The following ABCG8 variants were observed in gnomAD, a reference collection of about 807,000 sequenced individuals.
ABCG8 encodes ATP binding cassette subfamily G member 8.
Under a neutral mutation model 71.3 loss-of-function variants are expected in ABCG8, and 81 were observed. The observed-to-expected ratio is 1.14, with a 90% confidence interval of 0.95 to 1.37. ABCG8 has a LOEUF of 1.37. Ranked by LOEUF, ABCG8 falls within the 40% of genes most tolerant of loss-of-function variation. The pLI, the probability that ABCG8 is intolerant of heterozygous loss-of-function variation, is 0.00. For synonymous variants in ABCG8, 451 were observed against 354.7 expected (o/e 1.27, Z -3.05); for missense variants, 1,119 against 866.2 (o/e 1.29, Z -3.66).
At position 43,874,448 on chromosome 2, in the gene ABCG8, G is replaced by C; in HGVS notation, c.1453G>C (p.Gly485Arg). ...RAMLYYELED[G>R]LYTTGPYFFA... is the part of the protein sequence containing the mutation. ...AATGCTTTACTATGAACTGGAAGAC[G>C]GGCTGTACACCACTGGTCCATATTT... Residue 485 changes from glycine to arginine, a missense_variant, in exon 10 of 13, where the codon GGG becomes CGG. By Grantham distance (125) the Gly-to-Arg change is moderately radical. Transcript: ENST00000272286. The C allele has an allele frequency of 6.2e-7, 1 of 1,613,866 alleles. No homozygotes were observed.
rs201782758 is a variant in ABCG8 at position 43,852,527 on chromosome 2, C to T, written c.694+41C>T. On this transcript the variant is annotated intron_variant, in intron 5 of 12. Transcript: ENST00000272286. ...GCAGATGGGGGCAGAGGGACCTGTG[C>T]GGTCCCCTCAGGCTTGGCTTGGTCT... The T allele has an allele frequency of 7.8e-4, 1,252 of 1,612,770 alleles. 2 individuals carry two copies. Among genetic ancestry groups the T allele is most frequent in the Admixed American group, 1.1e-3 (67 of 60,018 alleles).
rs199903255 is a variant in ABCG8, at chr2:43,877,933, C to T, written c.*20C>T. Reference sequence around the variant, plus strand: ...TGGTGATTCACGCCAGACGTCTGCCCGCTGGTGGGGGACCTGAGCAGACCC... The same window carrying T: ...TGGTGATTCACGCCAGACGTCTGCCTGCTGGTGGGGGACCTGAGCAGACCC... On this transcript the variant is annotated 3_prime_UTR_variant, in exon 13 of 13. Transcript: ENST00000272286. The T allele has an allele frequency of 6.8e-6, 11 of 1,613,958 alleles. No individual in the cohort carries two copies. Among genetic ancestry groups the T allele is most frequent in the Middle Eastern group, 1.6e-4 (1 of 6,068 alleles).
Position 43,873,868 on chromosome 2 carries a change from C to T in ABCG8, c.1293C>T (p.Ile431=), listed in dbSNP as rs202176869. 3.3e-5 allele frequency: 54 copies of T among 1,614,024 alleles called. No homozygotes were observed. Among genetic ancestry groups the T allele is most frequent in the Admixed American group, 1.0e-4 (6 of 59,994 alleles). ...GAEACLMSMT[I]GFLYFGHGSI... is the part of the protein sequence containing the mutation. ...AGGCCTGTCTGATGTCAATGACCAT[C>T]GGCTTCCTCTATTTTGGCCATGGGA... Residue 431 remains isoleucine (I), a synonymous_variant, in exon 9 of 13, where the codon ATC becomes ATT. Transcript: ENST00000272286.
intron 6 of ABCG8, among the ~76,000 whole-genome samples, chr2:43,860,007 C>G (rs186880028): frequency 7.4e-4 from 112 of 151,400 alleles, no homozygotes; most frequent in African/African-American, 2.7e-3. Flanking sequence ...CTGGACAGAA[C>G]TCTGAGTATC....
At chr2:43,874,898 A>G (rs1669907322) in intron 10 of ABCG8, among the ~76,000 whole-genome samples, 1 of 152,036 alleles carries the variant, frequency 6.6e-6, no homozygotes, top group Admixed American at 6.5e-5. Context: ...ACCAGGTCTT[A>G]GGACAGCAGG....
intron 6 of ABCG8, among the ~76,000 whole-genome samples, chr2:43,856,405 T>C (rs72796766): frequency 0.054 from 8,172 of 151,888 alleles, 270 homozygotes; most frequent in Middle Eastern, 0.11. Context: ...ACTCTCACTC[T>C]CTAGATAGAA....
At chr2:43,873,282 A>C (rs1669843982) in intron 8 of ABCG8, among the ~76,000 whole-genome samples, 1 of 150,836 alleles carries the variant, frequency 6.6e-6, no homozygotes, top group Admixed American at 6.6e-5. Flanking sequence ...TCCGCCTCCC[A>C]GGTTCAAGTG....
chr2:43,875,543 G>C, intron 11 of ABCG8, 130 bp downstream of exon 11: 4 of 1,231,996 alleles, frequency 3.2e-6, no homozygotes, highest in Non-Finnish European at 4.4e-6. Context: ...GGAAGCAGAG[G>C]CCTTTGCCCA....
rs748233241 is a variant in ABCG8 at position 43,874,438 on chromosome 2, AC to A, written c.1444del (p.Leu482TrpfsTer40). The A allele has an allele frequency of 2.5e-5, 40 of 1,613,878 alleles. No individual in the cohort carries two copies. Among genetic ancestry groups the A allele is most frequent in the Middle Eastern group, 1.6e-4 (1 of 6,084 alleles). On this transcript the variant is annotated frameshift_variant, in exon 10 of 13. Coordinates refer to ENST00000272286, the MANE Select transcript of ABCG8 (RefSeq NM_022437.3). LOFTEE classifies it high-confidence loss of function. ...YSERAMLYYE[L>X]EDGLYTTGPY... ...CAGAGAGGGCAATGCTTTACTATGA[AC>A]TGGAAGACGGGCTGTACACCACTGG...
rs2104954824 is a variant in ABCG8 at position 43,879,949 on chromosome 2, A to G, written c.*2036A>G. On this transcript the variant is annotated 3_prime_UTR_variant, in exon 13 of 13. Transcript: ENST00000272286. ...GTAAGTGGGTACTTTGAAACTATGTAAATTGTAAACTTTCCATTTATGCAT... is the reference window on the plus strand; with the variant it reads ...GTAAGTGGGTACTTTGAAACTATGTGAATTGTAAACTTTCCATTTATGCAT... 6.6e-6 allele frequency: 1 copy of G among 152,278 alleles called. No homozygotes were observed. Among genetic ancestry groups the G allele is most frequent in the South Asian group, 2.1e-4 (1 of 4,822 alleles). 9.4% of individuals were successfully genotyped at this position (152,278 alleles called of 1,614,324 possible).
intron 6 of ABCG8, among the ~76,000 whole-genome samples, chr2:43,856,758 A>G (rs1201320476): frequency 2.0e-5 from 3 of 151,738 alleles, no homozygotes; most frequent in Admixed American, 2.0e-4. Flanking sequence ...CACTATCTGG[A>G]TAGAATTCTC....
chr2:43,868,325 A>G (rs1669608519), intron 6 of ABCG8, among the ~76,000 whole-genome samples: 2 of 151,474 alleles, frequency 1.3e-5, no homozygotes, highest in Admixed American at 6.6e-5. Context: ...AACTCTCACT[A>G]TCTGTCTGGT....
chr2:43,874,360 G>T, intron 9 of ABCG8, 47 bp from the exon 10 acceptor site: 1 of 1,413,540 alleles, frequency 7.1e-7, no homozygotes, highest in South Asian at 1.2e-5. Flanking sequence ...AAGCACTGTA[G>T]ATTTATTCTA....
chr2:43,846,522 G>C, intron 3 of ABCG8: 1 of 659,792 alleles, frequency 1.5e-6, no homozygotes, highest in African/African-American at 1.8e-5. Flanking sequence ...GTTGTTAAGA[G>C]TCATGAGTGC....
At chr2:43,859,275 G>A (rs1466859280) in intron 6 of ABCG8, among the ~76,000 whole-genome samples, 1 of 150,810 alleles carries the variant, frequency 6.6e-6, no homozygotes, top group Non-Finnish European at 1.5e-5. Context: ...CTCTCTGTCT[G>A]GATATAATTC....
chr2:43,878,066 G>A lies in ABCG8; in HGVS notation c.*153G>A, dbSNP rs1264488796. Reference sequence around the variant, plus strand: ...CAGGGTGCTGCAGTGGCACAGACCAGCCACAGGATGGCAGTAGAATAAAGA... The same window carrying A: ...CAGGGTGCTGCAGTGGCACAGACCAACCACAGGATGGCAGTAGAATAAAGA... On this transcript the variant is annotated 3_prime_UTR_variant, in exon 13 of 13. Coordinates refer to ENST00000272286, the MANE Select transcript of ABCG8 (RefSeq NM_022437.3). 8.5e-6 allele frequency: 9 copies of A among 1,063,422 alleles called. No individual in the cohort carries two copies. The highest frequency in any genetic ancestry group is 1.3e-5 in the Non-Finnish European group (9 of 714,076). 65.9% of individuals were successfully genotyped at this position (1,063,422 alleles called of 1,614,324 possible).
intron 6 of ABCG8, among the ~76,000 whole-genome samples, chr2:43,863,436 C>G (rs1201728236): frequency 1.3e-5 from 2 of 150,234 alleles, no homozygotes; most frequent in Non-Finnish European, 3.0e-5. Flanking sequence ...ATAGTACTCT[C>G]ACTAACTGGA....
intron 1 of ABCG8, among the ~76,000 whole-genome samples, chr2:43,841,276 AG>A (rs1330212722): frequency 6.6e-6 from 1 of 152,202 alleles, no homozygotes; most frequent in African/African-American, 2.4e-5. Flanking sequence ...TTTGATCAGA[AG>A]TTAATACGAG....
In ABCG8 at chr2:43,872,052, C is replaced by T. The variant is rs370167161; in HGVS notation, c.1041C>T (p.Ala347=). 1.2e-6 allele frequency: 2 copies of T among 1,613,930 alleles called. No individual in the cohort carries two copies. The highest frequency in any genetic ancestry group is 1.7e-6 in the Non-Finnish European group (2 of 1,180,046). ...ATREKAQSLA[A]LFLEKVRDLD... is the part of the protein sequence containing the mutation. ...GGGAGAAGGCTCAGTCACTCGCAGC[C>T]CTGTTTCTAGAAAAAGTGCGTGACT... Residue 347 remains alanine, a synonymous_variant, in exon 7 of 13, where the codon GCC becomes GCT. Transcript: ENST00000272286.
Sources: gnomAD v4.1 joint callset for allele counts (sites outside exome capture counted in the v4.1 genomes callset) on GRCh38, gnomAD v4.1.1 for gene constraint, MANE v1.5 for transcripts, NCBI Gene and HGNC (gene_info 2026-07-23, HGNC 2026-07-21) for gene names.